NELL1: variants seen among roughly 807,000 people sequenced by gnomAD.
NELL1 encodes the protein neural EGFL like 1.
NELL1 carries 76 observed loss-of-function variants against 107.4 expected under a neutral mutation model. The ratio of observed to expected loss-of-function variants is 0.71; its 90% CI spans 0.59 to 0.86. The LOEUF is 0.86. Among genes scored for constraint, NELL1 ranks in the 40% least tolerant of loss-of-function variants. The pLI is 0.00. For synonymous variants in NELL1, 353 were observed against 341.2 expected (o/e 1.03, Z -0.38); for missense variants, 1,024 against 1,005.5 (o/e 1.02, Z -0.25).
At chr11:21,161,611 T>G (rs1447710364) in intron 13 of NELL1, among the ~76,000 whole-genome samples, 1 of 152,212 alleles carries the variant, frequency 6.6e-6, no homozygotes, top group Non-Finnish European at 1.5e-5. Context: ...AAGACAGGAC[T>G]GACCAAATAT....
At chr11:20,917,010 A>G (rs2134157525) in intron 5 of NELL1, among the ~76,000 whole-genome samples, 1 of 152,122 alleles carries the variant, frequency 6.6e-6, no homozygotes, top group East Asian at 1.9e-4. Flanking sequence ...TCAAATTGCC[A>G]CATGTGCTTG....
intron 14 of NELL1, among the ~76,000 whole-genome samples, chr11:21,269,381 C>T (rs1848697116): frequency 6.6e-6 from 1 of 151,826 alleles, no homozygotes; most frequent in Non-Finnish European, 1.5e-5. Context: ...CTCTCTCACA[C>T]ACACACACAC....
intron 14 of NELL1, among the ~76,000 whole-genome samples, chr11:21,305,601 C>T (rs1453436767): frequency 6.6e-6 from 1 of 151,268 alleles, no homozygotes; most frequent in Non-Finnish European, 1.5e-5. Flanking sequence ...TGAACAGAGG[C>T]TACCAAACTA....
chr11:20,709,505 C>G, intron 2 of NELL1, among the ~76,000 whole-genome samples: 1 of 151,986 alleles, frequency 6.6e-6, no homozygotes, highest in East Asian at 1.9e-4. Context: ...TTTGTTTAGT[C>G]TTGCTTTGGC....
At chr11:20,722,833 C>T (rs1177462474) in intron 2 of NELL1, among the ~76,000 whole-genome samples, 1 of 152,156 alleles carries the variant, frequency 6.6e-6, no homozygotes, top group Non-Finnish European at 1.5e-5. Flanking sequence ...TATAAAGATA[C>T]TACCTGAGAC....
rs1413094801 is a variant in NELL1, at chr11:21,347,296, T to C, written c.1550-23557T>C. On this transcript the variant is annotated intron_variant, in intron 14 of 19. Coordinates refer to ENST00000357134, the MANE Select transcript of NELL1 (RefSeq NM_006157.5). ...CCCTAAAGTGGAAAAGAGTTTGGCT[T>C]GTTTGAAGAATAAAATCATAACGGG... is the stretch of plus-strand genomic sequence containing the variant. Among the ~76,000 whole-genome samples, 3 of 152,092 alleles carry C rather than the reference T, an allele frequency of 2.0e-5. No individual in the cohort carries two copies. In the East Asian group the frequency reaches 5.8e-4, roughly 29 times the overall value.
chr11:20,848,420 G>A (rs1848739317), intron 4 of NELL1, among the ~76,000 whole-genome samples: 1 of 152,124 alleles, frequency 6.6e-6, no homozygotes, highest in Non-Finnish European at 1.5e-5. Flanking sequence ...ATTGAAGAAT[G>A]AGGGAGTCCA....
intron 14 of NELL1, among the ~76,000 whole-genome samples, chr11:21,336,929 T>A (rs1291568033): frequency 1.3e-5 from 2 of 152,006 alleles, no homozygotes; most frequent in Admixed American, 1.3e-4. Context: ...AAGAGATACC[T>A]GGGTTGAATT....
rs568256092 is a variant in NELL1, at chr11:20,858,926, G to C, written c.506+11173G>C. ...GGATCCAAAAGAACCATGGGGAACTGATAAGGTGTACCATTGCCCAGGGCA... is the reference window on the plus strand; with the variant it reads ...GGATCCAAAAGAACCATGGGGAACTCATAAGGTGTACCATTGCCCAGGGCA... On this transcript the variant is annotated intron_variant, in intron 4 of 19. Coordinates refer to ENST00000357134, the MANE Select transcript of NELL1 (RefSeq NM_006157.5). Among the ~76,000 whole-genome samples the C allele has an allele frequency of 5.9e-5, 9 of 152,328 alleles. No individual in the cohort carries two copies. The South Asian group carries it at 1.9e-3, about 32-fold the overall frequency.
intron 15 of NELL1, among the ~76,000 whole-genome samples, chr11:21,443,221 C>A (rs1853337485): frequency 6.6e-6 from 1 of 151,900 alleles, no homozygotes. Flanking sequence ...TATGAGGAGC[C>A]CAATTTCTGA....
At chr11:20,922,692 A>G (rs1158894938) in intron 7 of NELL1, among the ~76,000 whole-genome samples, 1 of 152,124 alleles carries the variant, frequency 6.6e-6, no homozygotes, top group African/African-American at 2.4e-5. Flanking sequence ...ATGGGTAGAC[A>G]GTCATATAGG....
chr11:21,473,995 G>A (rs193133561), intron 15 of NELL1, among the ~76,000 whole-genome samples: 246 of 152,042 alleles, frequency 1.6e-3, no homozygotes, highest in Non-Finnish European at 2.8e-3. Flanking sequence ...GTACTGTTAC[G>A]TACGAGGTAC....
intron 17 of NELL1, among the ~76,000 whole-genome samples, chr11:21,567,631 G>T (rs951833654): frequency 4.6e-5 from 7 of 151,826 alleles, no homozygotes; most frequent in Non-Finnish European, 1.0e-4. Context: ...TCTCCTTAAA[G>T]AATATAAAGC....
chr11:21,313,408 C>T (rs1335047053), intron 14 of NELL1, among the ~76,000 whole-genome samples: 1 of 152,202 alleles, frequency 6.6e-6, no homozygotes, highest in African/African-American at 2.4e-5. Context: ...ATTAGCACTC[C>T]GAAAATAGGG....
At chr11:20,721,181 G>GTGTATATATATATATATATATA (rs1554906545) in intron 2 of NELL1, among the ~76,000 whole-genome samples, 2 of 125,850 alleles carry the variant, frequency 1.6e-5, no homozygotes, top group African/African-American at 3.6e-5. Flanking sequence ...TATATTTTGT[G>GTGTATATATATATATATATATA]TATATATATA....
chr11:20,993,149 A>G (rs766079521), intron 12 of NELL1, among the ~76,000 whole-genome samples: 1 of 152,096 alleles, frequency 6.6e-6, no homozygotes, highest in Non-Finnish European at 1.5e-5. Context: ...GGCTCGATTT[A>G]GAAGCTATCT....
chr11:21,529,265 G>T (rs1208251933), intron 15 of NELL1, among the ~76,000 whole-genome samples: 2 of 152,000 alleles, frequency 1.3e-5, no homozygotes, highest in Non-Finnish European at 1.5e-5. Flanking sequence ...ATCATATTAG[G>T]CATTTTTATG....
rs79341870 is a variant in NELL1, at chr11:20,934,634, G to A, written c.998-3152G>A. On this transcript the variant is annotated intron_variant, in intron 9 of 19. Transcript: ENST00000357134. ...AGGAAGAAAAAATGTCTATTTCTTC[G>A]CTTCACAGCTTGGGCCAAGAAGCAG... Among the ~76,000 whole-genome samples, 527 of 152,288 alleles carry A rather than the reference G, an allele frequency of 3.5e-3. 3 individuals carry two copies. Among genetic ancestry groups the A allele is most frequent in the Non-Finnish European group, 5.5e-3 (371 of 68,030 alleles).
chr11:21,148,501 C>G (rs1292047473), intron 13 of NELL1, among the ~76,000 whole-genome samples: 1 of 152,192 alleles, frequency 6.6e-6, no homozygotes, highest in Non-Finnish European at 1.5e-5. Flanking sequence ...TTTTTGAAGT[C>G]AAGCTGCCTC....
Sources: allele counts gnomAD v4.1 joint callset (sites outside exome capture counted in the v4.1 genomes callset), GRCh38; gene constraint gnomAD v4.1.1; transcripts MANE v1.5; gene names NCBI Gene and HGNC (gene_info 2026-07-23, HGNC 2026-07-21).